Variants in DDX51 observed in about 807,000 individuals in gnomAD.
DDX51 encodes the protein ATP-dependent RNA helicase DDX51.
DDX51 carries 67 observed loss-of-function variants against 74.6 expected under a neutral mutation model. That is an observed-to-expected ratio of 0.90 (90% CI 0.74 to 1.10). DDX51 has a LOEUF of 1.10. Among genes scored for constraint, DDX51 ranks in the 50% least tolerant of loss-of-function variants. The pLI, the probability that DDX51 is intolerant of heterozygous loss-of-function variation, is 0.00. For missense variants in DDX51, 1,056 were observed against 905.2 expected (o/e 1.17, Z -2.14); for synonymous variants, 545 against 402.9 (o/e 1.35, Z -4.22).
intron 6 of DDX51, 45 bp from the exon 7 acceptor site, chr12:132,141,651 G>A (rs770811634): frequency 9.1e-6 from 14 of 1,534,482 alleles, no homozygotes; most frequent in South Asian, 6.3e-5. Context: ...TTTCTCAAGG[G>A]CTTCCGGATA....
rs571834374 is a variant in DDX51 at position 132,138,810 on chromosome 12, G to C, written c.*462C>G. The C allele has an allele frequency of 6.3e-6, 1 of 158,244 alleles. No individual in the cohort carries two copies. Among genetic ancestry groups the C allele is most frequent in the African/African-American group, 2.4e-5 (1 of 41,456 alleles). 9.8% of individuals were successfully genotyped at this position (158,244 alleles called of 1,614,324 possible). ...ATTTTGTATTTTTAGTAGAGACAGGGTTTCTCCATGTTGGTCAGGCTGGTC... is the reference window on the plus strand; with the variant it reads ...ATTTTGTATTTTTAGTAGAGACAGGCTTTCTCCATGTTGGTCAGGCTGGTC... On this transcript the variant is annotated 3_prime_UTR_variant, in exon 15 of 15. Coordinates refer to ENST00000397333, the MANE Select transcript of DDX51 (RefSeq NM_175066.4).
In DDX51 at chr12:132,142,227, TACCTGTC is replaced by T. The variant is rs201907915; in HGVS notation, c.816+43_817-38del. ...GGAGCGCCTGCGTCAGCAAGGCTGT[TACCTGTC>T]CTCTGCACACCCGCTGTAGAGAAAG... On this transcript the variant is annotated intron_variant, in intron 4 of 14. Coordinates refer to ENST00000397333, the MANE Select transcript of DDX51 (RefSeq NM_175066.4). 3.1e-3 allele frequency: 4,899 copies of T among 1,601,164 alleles called. 115 individuals carry two copies. The African/African-American group carries it at 0.057, about 19-fold the overall frequency.
rs750530823 is a variant in DDX51 at position 132,143,841 on chromosome 12, C to T, written c.373G>A (p.Ala125Thr). 5 of 1,499,068 alleles carry T rather than the reference C, an allele frequency of 3.3e-6. No homozygotes were observed. Among genetic ancestry groups the T allele is most frequent in the Non-Finnish European group, 4.4e-6 (5 of 1,139,898 alleles). The allele number at this position is 1,499,068 out of a possible 1,614,324, so 92.9% of individuals were successfully genotyped here. The change falls in exon 2 of 15, where the codon GCA (alanine) becomes ACA (threonine). Residue 125 changes from alanine to threonine, a missense_variant. Physicochemically the swap from Ala to Thr is moderately conservative, Grantham distance 58. Coordinates refer to ENST00000397333, the MANE Select transcript of DDX51 (RefSeq NM_175066.4). ...CCCGGCGCCTCCTCGCTGCTCCCTG[C>T]GCTGGGCTCCCCTGGCGCCTCCTCG... is the stretch of plus-strand genomic sequence containing the variant. Reference protein sequence around the residue: ...SSEEAPGEPSAGSSEEAPGER... With the variant: ...SSEEAPGEPSTGSSEEAPGER...
Position 132,143,874 on chromosome 12 carries a change from C to T in DDX51, c.340G>A (p.Gly114Arg), listed in dbSNP as rs554010388. 2.6e-6 allele frequency: 4 copies of T among 1,527,452 alleles called. No individual in the cohort carries two copies. The highest frequency in any genetic ancestry group is 3.5e-6 in the Non-Finnish European group (4 of 1,145,140). 94.6% of individuals were successfully genotyped at this position (1,527,452 alleles called of 1,614,324 possible). The change falls in exon 2 of 15, where the codon GGG becomes AGG. Residue 114 changes from glycine (G) to arginine (R), a missense_variant. Coordinates refer to ENST00000397333, the MANE Select transcript of DDX51 (RefSeq NM_175066.4). ...TCCCCTGGCGCCTCCTCGCTGCTCC[C>T]TGCGCTGGGCTCCCCTGGCGCCTCC... Reference protein sequence around the residue: ...NEEAPGEPSAGSSEEAPGEPS... With the variant: ...NEEAPGEPSARSSEEAPGEPS...
intron 5 of DDX51, 61 bp from the exon 6 acceptor site, chr12:132,142,017 G>A (rs1338843773): frequency 6.2e-7 from 1 of 1,609,218 alleles, no homozygotes; most frequent in Non-Finnish European, 8.5e-7. Flanking sequence ...GCAGCAAAAA[G>A]GACCCCAGAT....
chr12:132,142,536 C>A, intron 3 of DDX51, 114 bp from the exon 4 acceptor site: 2 of 1,495,200 alleles, frequency 1.3e-6, no homozygotes, highest in Middle Eastern at 2.4e-4. Context: ...GGAACCGCTC[C>A]CCAGAGGGAT....
rs1325881461 is a variant in DDX51, at chr12:132,138,747, GT to G, written c.*524del. ...CCATTTTCCTGCCTCAGCCTCCCAA[GT>G]AGCTGGATTACAGGCATGCACCACC... is the stretch of plus-strand genomic sequence containing the variant. On this transcript the variant is annotated 3_prime_UTR_variant, in exon 15 of 15. Coordinates refer to ENST00000397333, the MANE Select transcript of DDX51 (RefSeq NM_175066.4). 6.6e-6 allele frequency: 1 copy of G among 152,618 alleles called. No individual in the cohort carries two copies. Among genetic ancestry groups the G allele is most frequent in the African/African-American group, 2.4e-5 (1 of 41,388 alleles). The allele number at this position is 152,618 out of a possible 1,614,324, so 9.5% of individuals were successfully genotyped here.
rs759444805 is a variant in DDX51 at position 132,140,891 on chromosome 12, G to A, written c.1380C>T (p.Gly460=). 5 of 1,613,418 alleles carry A rather than the reference G, an allele frequency of 3.1e-6. No homozygotes were observed. The highest frequency in any genetic ancestry group is 1.3e-5 in the African/African-American group (1 of 75,010). Residue 460 remains glycine (G), a synonymous_variant, in exon 9 of 15, where the codon GGC becomes GGT. Transcript: ENST00000397333. ...RLFSTGLAHR[G]LEDTDGDGDS... ...CCCCGTCCCCATCTGTATCTTCCAG[G>A]CCCCTGTGTGCTAGCCCTGTGGAGA...
At chr12:132,143,640 A>G (rs1897570455) in intron 2 of DDX51, 55 bp downstream of exon 2, 2 of 1,528,260 alleles carry the variant, frequency 1.3e-6, no homozygotes, top group Admixed American at 2.0e-5. Flanking sequence ...CGCACTTAAG[A>G]ATCCGCGCAG....
Position 132,143,719 on chromosome 12 carries a change from C to CA in DDX51, c.494_495insT (p.Phe166ValfsTer19). ...CCTTCGGCGCCTTCCTCTTCCCGAA[C>CA]CCCCCCAGCACCAGGCCGGGGACCA... On this transcript the variant is annotated frameshift_variant, in exon 2 of 15. Coordinates refer to ENST00000397333, the MANE Select transcript of DDX51 (RefSeq NM_175066.4). LOFTEE classifies it high-confidence loss of function. 1 of 1,537,690 alleles carries CA rather than the reference C, an allele frequency of 6.5e-7. No individual in the cohort carries two copies. Among genetic ancestry groups the CA allele is most frequent in the Non-Finnish European group, 8.7e-7 (1 of 1,143,978 alleles).
In DDX51 at chr12:132,144,088, G is replaced by GGCCGCCGTC. The variant is rs937272696; in HGVS notation, c.200_208dup (p.Arg67_Arg69dup). ...GTCGTTCACCCGCCGCCGCCGCCGG[G>GGCCGCCGTC]GCCGCCGTCGCCTCCTGGTCGCCGG... On this transcript the variant is annotated inframe_insertion, in exon 1 of 15. Coordinates refer to ENST00000397333, the MANE Select transcript of DDX51 (RefSeq NM_175066.4). The GGCCGCCGTC allele has an allele frequency of 8.1e-7, 1 of 1,232,360 alleles. No individual in the cohort carries two copies. Among genetic ancestry groups the GGCCGCCGTC allele is most frequent in the African/African-American group, 1.6e-5 (1 of 63,312 alleles). 76.3% of individuals were successfully genotyped at this position (1,232,360 alleles called of 1,614,324 possible).
At chr12:132,141,747 G>A (rs2136677058) in intron 6 of DDX51, 103 bp downstream of exon 6, 3 of 1,474,760 alleles carry the variant, frequency 2.0e-6, no homozygotes, top group Non-Finnish European at 2.8e-6. Context: ...ACGGGAACAG[G>A]TGGTTAAAGA....
intron 6 of DDX51, 69 bp downstream of exon 6, chr12:132,141,781 C>T (rs1002700673): frequency 3.0e-5 from 46 of 1,555,354 alleles, no homozygotes; most frequent in Non-Finnish European, 3.6e-5. Flanking sequence ...TCTGCTCCCA[C>T]GGTGCCTCAG....
chr12:132,140,356 G>A (rs1488281677), intron 11 of DDX51, 67 bp downstream of exon 11: 13 of 1,588,012 alleles, frequency 8.2e-6, no homozygotes, highest in East Asian at 2.2e-5. Flanking sequence ...CTTTTAGAGA[G>A]CCCCAGGCTG....
rs1185134913 is a variant in DDX51, at chr12:132,141,406, A to G, written c.1119T>C (p.Ala373=). The change falls in exon 8 of 15, where the codon GCT becomes GCC. Residue 373 remains alanine, a synonymous_variant. Transcript: ENST00000397333. ...GATGCATGCTGTCAATCATCCGGTC[A>G]GCCTCGTCGATAATCTGCAGGAGAC... is the stretch of plus-strand genomic sequence containing the variant. The part of the protein sequence containing the change: ...QQLRFLIIDE[A]DRMIDSMHQS... 6.3e-7 allele frequency: 1 copy of G among 1,594,850 alleles called. No individual in the cohort carries two copies. The highest frequency in any genetic ancestry group is 8.5e-7 in the Non-Finnish European group (1 of 1,177,332).
chr12:132,142,437 G>C lies in DDX51; in HGVS notation c.671-15C>G. 1.2e-6 allele frequency: 2 copies of C among 1,609,930 alleles called. No homozygotes were observed. Among genetic ancestry groups the C allele is most frequent in the Non-Finnish European group, 1.7e-6 (2 of 1,179,662 alleles). On this transcript the variant is annotated splice_polypyrimidine_tract_variant and intron_variant, in intron 3 of 14. Coordinates refer to ENST00000397333, the MANE Select transcript of DDX51 (RefSeq NM_175066.4). The stretch of plus-strand genomic sequence containing the variant: ...AGCTGCCTGGACTGGATGAGGAAAG[G>C]CGAGAGAGAAGTCGTGTTTACGCCT...
chr12:132,141,322 G>A lies in DDX51; in HGVS notation c.1203C>T (p.Pro401=), dbSNP rs1284125628. 3 of 1,598,744 alleles carry A rather than the reference G, an allele frequency of 1.9e-6. No individual in the cohort carries two copies. The highest frequency in any genetic ancestry group is 2.2e-5 in the South Asian group (2 of 90,988). The change falls in exon 8 of 15, where the codon CCC becomes CCT. Residue 401 remains proline, a synonymous_variant. Coordinates refer to ENST00000397333, the MANE Select transcript of DDX51 (RefSeq NM_175066.4). ...AAFQSEDPAD[P]CALLQRRQAQ... The stretch of plus-strand genomic sequence containing the variant: ...CCTGCCTTCGCTGGAGCAGGGCACA[G>A]GGGTCCGCGGGGTCCTCGCTCTGGA...
At position 132,137,412 on chromosome 12, in the gene DDX51, T is replaced by C. The variant is rs1034281975; in HGVS notation, c.*1860A>G. On this transcript the variant is annotated 3_prime_UTR_variant, in exon 15 of 15. Transcript: ENST00000397333. ...AAGGGAGCTATTTTTGAGCTGCTTT[T>C]TGTTAAAAGGCAAATTTTCTGCTGG... 1 of 152,042 alleles carries C rather than the reference T, an allele frequency of 6.6e-6. No individual in the cohort carries two copies. Among genetic ancestry groups the C allele is most frequent in the Non-Finnish European group, 1.5e-5 (1 of 68,044 alleles). 9.4% of individuals were successfully genotyped at this position (152,042 alleles called of 1,614,324 possible). A position where few individuals can be genotyped will look rare whatever the true frequency, so the allele number is the denominator to read the frequency against.
chr12:132,139,054 C>A lies in DDX51; in HGVS notation c.*218G>T. On this transcript the variant is annotated 3_prime_UTR_variant, in exon 15 of 15. Coordinates refer to ENST00000397333, the MANE Select transcript of DDX51 (RefSeq NM_175066.4). ...CATTGCCCGCAGCCATCCTGACCTCCACACTCTGAAAGTGACAAGCCCTGA... is the reference window on the plus strand; with the variant it reads ...CATTGCCCGCAGCCATCCTGACCTCAACACTCTGAAAGTGACAAGCCCTGA... 1 of 626,224 alleles carries A rather than the reference C, an allele frequency of 1.6e-6. No homozygotes were observed. The highest frequency in any genetic ancestry group is 3.0e-5 in the Admixed American group (1 of 33,760). The allele number at this position is 626,224 out of a possible 1,614,324, so 38.8% of individuals were successfully genotyped here.
Sources: gnomAD v4.1 joint callset for allele counts on GRCh38, gnomAD v4.1.1 for gene constraint, MANE v1.5 for transcripts, NCBI Gene and HGNC (gene_info 2026-07-23, HGNC 2026-07-21) for gene names.